Variants in FAAH2 observed in about 807,000 individuals in gnomAD.
FAAH2 encodes fatty acid amide hydrolase 2.
A neutral mutation model predicts 36.9 loss-of-function variants in FAAH2; 60 were observed. The ratio of observed to expected loss-of-function variants is 1.63; its 90% CI spans 1.32 to 2.02. The LOEUF is 2.02. Ranked by LOEUF, FAAH2 falls within the 30% of genes most tolerant of loss-of-function variation. FAAH2 has a pLI of 0.00. For synonymous variants in FAAH2, 214 were observed against 143.8 expected (o/e 1.49, Z -3.49); for missense variants, 689 against 397.5 (o/e 1.73, Z -6.23).
chrX:57,174,010 A>T, the FAAH2 span, among the ~76,000 whole-genome samples: 2 of 110,749 alleles, frequency 1.8e-5, no homozygotes, highest in East Asian at 5.7e-4. Context: ...ATTCATCAGG[A>T]ATATTTGTCT....
At chrX:57,258,759 A>G in the FAAH2 span, among the ~76,000 whole-genome samples, 1 of 98,647 alleles carries the variant, frequency 1.0e-5, no homozygotes, top group Non-Finnish European at 2.0e-5. Flanking sequence ...CCCAGGCTGG[A>G]GTGCAGTGGC....
chrX:57,426,143 G>A (rs1423368195), intron 7 of FAAH2, among the ~76,000 whole-genome samples: 9 of 111,521 alleles, frequency 8.1e-5, no homozygotes, highest in Admixed American at 6.7e-4. Flanking sequence ...TTATACCTAT[G>A]TCAGTTAAAA....
intron 8 of FAAH2, among the ~76,000 whole-genome samples, chrX:57,446,421 G>A (rs925334116): frequency 1.8e-5 from 2 of 112,058 alleles, no homozygotes; most frequent in Non-Finnish European, 3.8e-5. Flanking sequence ...TAACAGGTTT[G>A]TTGAGGTATA....
chrX:57,378,508 C>A, intron 5 of FAAH2, 143 bp from the exon 6 acceptor site: 1 of 696,317 alleles, frequency 1.4e-6, no homozygotes, highest in Non-Finnish European at 2.1e-6. Flanking sequence ...AATTGTGAAA[C>A]TACTGCAATG....
At chrX:57,261,901 G>T in the FAAH2 span, among the ~76,000 whole-genome samples, 1 of 111,296 alleles carries the variant, frequency 9.0e-6, no homozygotes, top group African/African-American at 3.3e-5. Flanking sequence ...AAAGAAATTA[G>T]AATAAAATAT....
chrX:57,310,621 G>A lies in FAAH2; in HGVS notation c.304G>A (p.Ala102Thr). Residue 102 changes from alanine to threonine, a missense_variant, in exon 3 of 11, where the codon GCT (alanine) becomes ACT (threonine). By Grantham distance (58) the Ala-to-Thr change is moderately conservative. Transcript: ENST00000374900. ...RFEEAMKEAH[A>T]VDQKLAEKQE... ...TGAGGAAGCGATGAAGGAGGCTCAT[G>A]CTGTAGATCAAAAGCTTGCAGAGAA... The A allele has an allele frequency of 2.5e-6, 3 of 1,208,926 alleles. No individual in the cohort carries two copies. Among genetic ancestry groups the A allele is most frequent in the Middle Eastern group, 2.3e-4 (1 of 4,339 alleles).
chrX:57,444,022 C>A (rs906927376), intron 8 of FAAH2, among the ~76,000 whole-genome samples: 2 of 112,162 alleles, frequency 1.8e-5, no homozygotes, highest in Admixed American at 9.5e-5. Context: ...TCAGCCCCTA[C>A]TGGGAGCTGT....
the FAAH2 span, among the ~76,000 whole-genome samples, chrX:57,280,281 C>CA: frequency 9.5e-6 from 1 of 105,440 alleles, no homozygotes; most frequent in Non-Finnish European, 1.9e-5. Flanking sequence ...TCTGAAATAT[C>CA]AAAAAACAGT....
At chrX:57,206,985 G>T in the FAAH2 span, among the ~76,000 whole-genome samples, 1 of 111,438 alleles carries the variant, frequency 9.0e-6, no homozygotes, top group Non-Finnish European at 1.9e-5. Context: ...TATGCAAATT[G>T]GCTTATCTCA....
At chrX:57,167,046 C>G in the FAAH2 span, among the ~76,000 whole-genome samples, 1 of 111,466 alleles carries the variant, frequency 9.0e-6, no homozygotes, top group Non-Finnish European at 1.9e-5. Flanking sequence ...ACAGTGTAGG[C>G]GCTATATAGA....
intron 8 of FAAH2, among the ~76,000 whole-genome samples, chrX:57,446,426 G>A (rs2056675809): frequency 9.0e-6 from 1 of 111,694 alleles, no homozygotes; most frequent in Admixed American, 9.5e-5. Flanking sequence ...GGTTTGTTGA[G>A]GTATAATTCA....
At chrX:57,438,387 A>T (rs1409687706) in intron 8 of FAAH2, among the ~76,000 whole-genome samples, 1 of 106,165 alleles carries the variant, frequency 9.4e-6, no homozygotes, top group Non-Finnish European at 1.9e-5. Flanking sequence ...ACAAAATTAT[A>T]TATATATATA....
Position 57,295,383 on chromosome X carries a change from T to A in FAAH2, c.275+2803T>A, listed in dbSNP as rs763610035. On this transcript the variant is annotated intron_variant, in intron 2 of 10. Transcript: ENST00000374900. ...CTTTTCTTTCCTCCTAGTCTTTCTC[T>A]GGCACCCATATTTGAAGGATCCAAG... is the stretch of plus-strand genomic sequence containing the variant. 2.7e-5 allele frequency among the ~76,000 whole-genome samples: 3 copies of A among 112,217 alleles called. No homozygotes were observed. In the South Asian group the frequency reaches 1.1e-3, roughly 42 times the overall value.
chrX:57,162,452 G>A, the FAAH2 span, among the ~76,000 whole-genome samples: 12 of 111,922 alleles, frequency 1.1e-4, no homozygotes, highest in Non-Finnish European at 2.3e-4. Flanking sequence ...ATCCTGCAGC[G>A]TGTTTTCCAA....
At chrX:57,174,561 TG>T in the FAAH2 span, among the ~76,000 whole-genome samples, 1 of 111,739 alleles carries the variant, frequency 8.9e-6, no homozygotes, top group African/African-American at 3.2e-5. Context: ...TATTAATTTT[TG>T]GGGGGAATCA....
the FAAH2 span, among the ~76,000 whole-genome samples, chrX:57,237,345 T>C: frequency 9.0e-6 from 1 of 111,487 alleles, no homozygotes; most frequent in Non-Finnish European, 1.9e-5. Context: ...CTGATATGTA[T>C]TTAAATACAA....
rs984703544 is a variant in FAAH2 at position 57,420,323 on chromosome X, T to G, written c.997-11595T>G. On this transcript the variant is annotated intron_variant, in intron 7 of 10. Coordinates refer to ENST00000374900, the MANE Select transcript of FAAH2 (RefSeq NM_174912.4). ...ATTTACCTTGGGCAGTATGGCCATT[T>G]TCATGATATTGATTCTTCCTACCCA... Among the ~76,000 whole-genome samples the G allele has an allele frequency of 9.8e-5, 11 of 111,990 alleles. No individual in the cohort carries two copies. The Admixed American group carries it at 1.0e-3, about 11-fold the overall frequency.
At chrX:57,168,774 C>T in the FAAH2 span, among the ~76,000 whole-genome samples, 1 of 111,836 alleles carries the variant, frequency 8.9e-6, no homozygotes, top group Non-Finnish European at 1.9e-5. Flanking sequence ...GTAATAACTT[C>T]TCTACCCCCT....
intron 7 of FAAH2, among the ~76,000 whole-genome samples, chrX:57,415,178 C>A (rs2055808986): frequency 9.1e-6 from 1 of 109,452 alleles, no homozygotes; most frequent in African/African-American, 3.3e-5. Context: ...CAAAAAAAAA[C>A]AGCTCCTGGA....
Sources: allele counts gnomAD v4.1 joint callset (sites outside exome capture counted in the v4.1 genomes callset), GRCh38; gene constraint gnomAD v4.1.1; transcripts MANE v1.5; gene names NCBI Gene and HGNC (gene_info 2026-07-23, HGNC 2026-07-21).